The following SKP1 variants were observed in gnomAD, a reference collection of about 807,000 sequenced individuals.
The protein encoded by SKP1 is S-phase kinase-associated protein 1.
Under a neutral mutation model 21.5 loss-of-function variants are expected in SKP1, and 1 was observed. The ratio of observed to expected loss-of-function variants is 0.05; its 90% confidence interval spans 0.02 to 0.22. SKP1 has a LOEUF of 0.22. SKP1 is among the 10% of genes least tolerant of loss of function. The probability of loss-of-function intolerance (pLI) is 1.00; values close to 1 mark genes in which losing one functional copy is unlikely to be tolerated. For synonymous variants in SKP1, 59 were observed against 59.3 expected, an observed-to-expected ratio of 0.99 and a Z score of 0.03; for missense variants, 70 against 192.0, an observed-to-expected ratio of 0.36 and a Z score of 3.76.
chr5:134,167,547 G>C (rs1281950485), intron 2 of SKP1, among the ~76,000 whole-genome samples: 1 of 150,832 alleles, frequency 6.6e-6, no homozygotes, highest in Non-Finnish European at 1.5e-5. Flanking sequence ...TTTTGAGACA[G>C]ATTCTTGCTC....
intron 2 of SKP1, among the ~76,000 whole-genome samples, chr5:134,168,571 A>G (rs1206223112): frequency 6.6e-6 from 1 of 152,234 alleles, no homozygotes; most frequent in Non-Finnish European, 1.5e-5. Context: ...GAAGTTAAAG[A>G]ACATGGGTTA....
chr5:134,164,764 C>A (rs1761296105), intron 3 of SKP1, among the ~76,000 whole-genome samples: 1 of 152,064 alleles, frequency 6.6e-6, no homozygotes, highest in Non-Finnish European at 1.5e-5. Context: ...CTGGTAGAAA[C>A]TTTTAAAGAG....
chr5:134,157,989 G>C, intron 5 of SKP1: 1 of 1,509,048 alleles, frequency 6.6e-7, no homozygotes. Context: ...CAAAGGCAAT[G>C]GGCAATTTAC....
rs1761133222 is a variant in SKP1 at position 134,157,129 on chromosome 5, G to C, written c.*604C>G. 6.6e-6 allele frequency: 1 copy of C among 152,552 alleles called. No individual in the cohort carries two copies. Among genetic ancestry groups the C allele is most frequent in the Non-Finnish European group, 1.5e-5 (1 of 68,042 alleles). 9.4% of individuals were successfully genotyped at this position (152,552 alleles called of 1,614,324 possible). ...AAACTGGGTAGTAACTGAGTCTCTA[G>C]GCAATATATTTAAAACTAAGAGGAT... On this transcript the variant is annotated 3_prime_UTR_variant, in exon 6 of 6. Transcript: ENST00000353411.
intron 3 of SKP1, among the ~76,000 whole-genome samples, chr5:134,166,321 A>G (rs78585902): frequency 0.15 from 22,785 of 151,376 alleles, 2,692 homozygotes; most frequent in African/African-American, 0.32. Context: ...GGTGGCTCAC[A>G]CCTGTGATCC....
At chr5:134,174,621 T>G (rs1761503638) in intron 1 of SKP1, 1 of 286,734 alleles carries the variant, frequency 3.5e-6, no homozygotes, top group Non-Finnish European at 5.2e-6. Flanking sequence ...AGAGCCCTTT[T>G]TATCTTTCAG....
chr5:134,163,319 G>C (rs1336454649), intron 3 of SKP1, among the ~76,000 whole-genome samples: 1 of 151,280 alleles, frequency 6.6e-6, no homozygotes, highest in Non-Finnish European at 1.5e-5. Context: ...GGTTCACAAC[G>C]GGTGGTGCCA....
intron 2 of SKP1, among the ~76,000 whole-genome samples, chr5:134,168,305 T>G (rs1761371491): frequency 6.6e-6 from 1 of 152,090 alleles, no homozygotes; most frequent in Non-Finnish European, 1.5e-5. Flanking sequence ...TAATAAAATC[T>G]CAATCTATTC....
At chr5:134,167,321 TAA>T in intron 2 of SKP1, 78 bp from the exon 3 acceptor site, 2 of 912,200 alleles carry the variant, frequency 2.2e-6, no homozygotes. Context: ...TCTCAAAACA[TAA>T]GAGTCAGCCC....
rs770687626 is a variant in SKP1, at chr5:134,161,149, A to G, written c.172-19T>C. 35 of 1,576,798 alleles carry G rather than the reference A, an allele frequency of 2.2e-5. No individual in the cohort carries two copies. Among genetic ancestry groups the G allele is most frequent in the Non-Finnish European group, 1.7e-6 (2 of 1,159,280 alleles). The stretch of plus-strand genomic sequence containing the variant: ...GAATGACCTACAACAACAAAAGTTC[A>G]TTCCTCTGTGGCACTTTGTCACAAG... On this transcript the variant is annotated intron_variant, in intron 3 of 5. Coordinates refer to ENST00000353411, the MANE Select transcript of SKP1 (RefSeq NM_170679.3).
In SKP1 at chr5:134,160,975, T is replaced by C; in HGVS notation, c.315+12A>G. On this transcript the variant is annotated intron_variant, in intron 4 of 5. Coordinates refer to ENST00000353411, the MANE Select transcript of SKP1 (RefSeq NM_170679.3). ...CTCTAGAGTAGAGCTATCTTACACA[T>C]TAAAAACTTACCAGAATGAGTTCAA... 1.2e-6 allele frequency: 2 copies of C among 1,605,324 alleles called. No homozygotes were observed. The highest frequency in any genetic ancestry group is 2.2e-4 in the Middle Eastern group (1 of 4,530).
At position 134,157,658 on chromosome 5, in the gene SKP1, T is replaced by C; in HGVS notation, c.*75A>G. 2 of 1,174,452 alleles carry C rather than the reference T, an allele frequency of 1.7e-6. No homozygotes were observed. Among genetic ancestry groups the C allele is most frequent in the South Asian group, 2.4e-5 (2 of 81,948 alleles). 72.8% of individuals were successfully genotyped at this position (1,174,452 alleles called of 1,614,324 possible). On this transcript the variant is annotated 3_prime_UTR_variant, in exon 6 of 6. Transcript: ENST00000353411. ...CATTTGTCTACTGTTTGTCTAATAT[T>C]AACAATTATAAACAGAGCAGTGCAA...
chr5:134,157,707 A>AGT lies in SKP1; in HGVS notation c.*24_*25dup, dbSNP rs1292930530. ...AACTAGTATTTGGAACAATCCTTACAGTGTTACAGTGTCAGGCACAACATT... is the reference window on the plus strand; with the variant it reads ...AACTAGTATTTGGAACAATCCTTACAGTGTGTTACAGTGTCAGGCACAACATT... On this transcript the variant is annotated 3_prime_UTR_variant, in exon 6 of 6. Transcript: ENST00000353411. 1 of 1,573,274 alleles carries AGT rather than the reference A, an allele frequency of 6.4e-7. No individual in the cohort carries two copies.
intron 5 of SKP1, chr5:134,158,074 G>C: frequency 1.4e-6 from 2 of 1,442,056 alleles, no homozygotes; most frequent in Non-Finnish European, 1.8e-6. Context: ...AAATCATTCT[G>C]ATCTATTCTT....
At chr5:134,159,908 C>G (rs1324356580) in intron 4 of SKP1, among the ~76,000 whole-genome samples, 1 of 150,140 alleles carries the variant, frequency 6.7e-6, no homozygotes, top group Non-Finnish European at 1.5e-5. Flanking sequence ...GTCTTGAACT[C>G]CTAGCCTCAA....
At chr5:134,166,563 G>C (rs1342535392) in intron 3 of SKP1, among the ~76,000 whole-genome samples, 1 of 104,724 alleles carries the variant, frequency 9.5e-6, no homozygotes, top group Non-Finnish European at 1.7e-5. Context: ...CCTGGCGACA[G>C]AGCAAGACTC....
Position 134,156,462 on chromosome 5 carries a change from A to C in SKP1, c.*1271T>G, listed in dbSNP as rs533802833. Reference sequence around the variant, plus strand: ...GACAAATGAAAGGTGAGATGAAGGCAAACTACTGTCAAGGGATGATCTGAG... The same window carrying C: ...GACAAATGAAAGGTGAGATGAAGGCCAACTACTGTCAAGGGATGATCTGAG... On this transcript the variant is annotated 3_prime_UTR_variant, in exon 6 of 6. Coordinates refer to ENST00000353411, the MANE Select transcript of SKP1 (RefSeq NM_170679.3). 1 of 152,322 alleles carries C rather than the reference A, an allele frequency of 6.6e-6. No individual in the cohort carries two copies. Among genetic ancestry groups the C allele is most frequent in the Non-Finnish European group, 1.5e-5 (1 of 68,020 alleles). 9.4% of individuals were successfully genotyped at this position (152,322 alleles called of 1,614,324 possible). A position where few individuals can be genotyped will look rare whatever the true frequency, so the allele number is the denominator to read the frequency against.
chr5:134,166,148 G>A (rs1238253267), intron 3 of SKP1, among the ~76,000 whole-genome samples: 9 of 150,466 alleles, frequency 6.0e-5, no homozygotes, highest in African/African-American at 2.2e-4. Context: ...TCACACCACT[G>A]CACTCCAGCC....
intron 2 of SKP1, among the ~76,000 whole-genome samples, chr5:134,172,050 A>G (rs1422635425): frequency 1.3e-5 from 2 of 152,260 alleles, no homozygotes; most frequent in African/African-American, 4.8e-5. Flanking sequence ...GTCTCAAAAA[A>G]ATAAATAAAT....
Sources: gnomAD v4.1 joint callset for allele counts (sites outside exome capture counted in the v4.1 genomes callset) on GRCh38, gnomAD v4.1.1 for gene constraint, MANE v1.5 for transcripts, NCBI Gene and HGNC (gene_info 2026-07-23, HGNC 2026-07-21) for gene names.